The following PCDHGB5 variants were observed in gnomAD, a reference collection of about 807,000 sequenced individuals.
PCDHGB5 encodes protocadherin gamma-B5.
In PCDHGB5, 48 loss-of-function variants were observed where a neutral mutation model predicts 62.9. That is an observed-to-expected ratio of 0.76 (90% confidence interval 0.61 to 0.97). The LOEUF is 0.97. PCDHGB5 is among the 50% of genes least tolerant of loss of function. The pLI, the probability that PCDHGB5 is intolerant of heterozygous loss-of-function variation, is 0.00. For missense variants in PCDHGB5, 1,118 were observed against 1,198.6 expected (o/e 0.93, Z 0.99); for synonymous variants, 474 against 511.2 (o/e 0.93, Z 0.98).
chr5:141,421,220 A>G (rs1178268746), intron 1 of PCDHGB5: 2 of 1,575,620 alleles, frequency 1.3e-6, no homozygotes, highest in Non-Finnish European at 1.7e-6. Flanking sequence ...ATCGGCTTAG[A>G]GCCTGCCATG....
chr5:141,415,427 G>C, intron 1 of PCDHGB5: 3 of 1,614,188 alleles, frequency 1.9e-6, no homozygotes, highest in Non-Finnish European at 2.5e-6. Flanking sequence ...GACGGGGTTC[G>C]GGCTTTCCTG....
chr5:141,490,906 G>C lies in PCDHGB5; in HGVS notation c.2398-3901G>C. On this transcript the variant is annotated intron_variant, in intron 1 of 3. Transcript: ENST00000617380. The surrounding 1 kb of genome is among the most constrained non-coding windows in gnomAD (Gnocchi z 5.4). ...CACATCTCTGCATGTGTTTGTCCTA[G>C]ACGAGAATGATAATGCCCCAGCTGT... The C allele has an allele frequency of 1.9e-6, 3 of 1,613,798 alleles. No individual in the cohort carries two copies. The highest frequency in any genetic ancestry group is 2.5e-6 in the Non-Finnish European group (3 of 1,179,808).
At chr5:141,434,658 T>C (rs1243599957) in intron 1 of PCDHGB5, among the ~76,000 whole-genome samples, 2 of 152,198 alleles carry the variant, frequency 1.3e-5, no homozygotes, top group African/African-American at 2.4e-5. Flanking sequence ...ATCTAATATC[T>C]ATAGAAATGA....
chr5:141,468,230 TAGG>T (rs1451844939), intron 1 of PCDHGB5, among the ~76,000 whole-genome samples: 9 of 141,220 alleles, frequency 6.4e-5, no homozygotes, highest in South Asian at 2.2e-4. Context: ...GAGGATGAGG[TAGG>T]AGAATTGCCT....
At chr5:141,435,644 T>A (rs913195454) in intron 1 of PCDHGB5, among the ~76,000 whole-genome samples, 1 of 152,170 alleles carries the variant, frequency 6.6e-6, no homozygotes, top group Non-Finnish European at 1.5e-5. Flanking sequence ...TGGGAAAATT[T>A]CTGAAACGTG....
chr5:141,431,364 G>A lies in PCDHGB5; in HGVS notation c.2397+30840G>A. 1 of 1,614,010 alleles carries A rather than the reference G, an allele frequency of 6.2e-7. No homozygotes were observed. The highest frequency in any genetic ancestry group is 8.5e-7 in the Non-Finnish European group (1 of 1,180,022). On this transcript the variant is annotated intron_variant, in intron 1 of 3. Coordinates refer to ENST00000617380, the MANE Select transcript of PCDHGB5 (RefSeq NM_018925.3). This position sits in a 1 kb window ranked among gnomAD's most constrained non-coding sequence, Gnocchi z 4.8. ...TTGGTGCTGAAACGCGCCCTGGACCGCGAAGAAAAGGCTGCTCACCACCTG... is the reference window on the plus strand; with the variant it reads ...TTGGTGCTGAAACGCGCCCTGGACCACGAAGAAAAGGCTGCTCACCACCTG...
At position 141,499,689 on chromosome 5, in the gene PCDHGB5, C is replaced by CTT. The variant is rs545067566; in HGVS notation, c.2456+4845_2456+4846dup. 4.8e-3 allele frequency among the ~76,000 whole-genome samples: 577 copies of CTT among 119,808 alleles called. 2 individuals carry two copies. Among genetic ancestry groups the CTT allele is most frequent in the Non-Finnish European group, 6.7e-3 (386 of 57,912 alleles). 78.6% of individuals were successfully genotyped at this position (119,808 alleles called of 152,430 possible). A position where few individuals can be genotyped will look rare whatever the true frequency, so the allele number is the denominator to read the frequency against. On this transcript the variant is annotated intron_variant, in intron 2 of 3. Coordinates refer to ENST00000617380, the MANE Select transcript of PCDHGB5 (RefSeq NM_018925.3). ...GGTCTCCACCATCTTTAACAGATGA[C>CTT]TTTTTTTTTTTTTTTTTTTTTTGGA...
At chr5:141,404,029 C>A in intron 1 of PCDHGB5, 2 of 1,613,428 alleles carry the variant, frequency 1.2e-6, no homozygotes, top group South Asian at 1.1e-5. Flanking sequence ...TGAGAGAAGA[C>A]GCACCTCAGG....
At chr5:141,451,468 C>G (rs2098716484) in intron 1 of PCDHGB5, among the ~76,000 whole-genome samples, 1 of 152,202 alleles carries the variant, frequency 6.6e-6, no homozygotes, top group South Asian at 2.1e-4. Context: ...AGGTCTACCT[C>G]AGTTCCTTGC....
intron 1 of PCDHGB5, chr5:141,422,768 T>C: frequency 6.2e-7 from 1 of 1,613,824 alleles, no homozygotes. Context: ...AACACTGGTG[T>C]TCTCTATGCC....
In PCDHGB5 at chr5:141,511,216, C is replaced by A. The variant is rs374915167; in HGVS notation, c.*43C>A. On this transcript the variant is annotated 3_prime_UTR_variant, in exon 4 of 4. Coordinates refer to ENST00000617380, the MANE Select transcript of PCDHGB5 (RefSeq NM_018925.3). Reference sequence around the variant, plus strand: ...GAGCCACAGGGCGGCCTCTCCCCAACCAGCCCAGCTTCTCCTTACCTGCAC... The same window carrying A: ...GAGCCACAGGGCGGCCTCTCCCCAAACAGCCCAGCTTCTCCTTACCTGCAC... The A allele has an allele frequency of 6.2e-7, 1 of 1,608,004 alleles. No homozygotes were observed. The highest frequency in any genetic ancestry group is 1.3e-5 in the African/African-American group (1 of 74,736).
chr5:141,402,789 T>C (rs1047869740), intron 1 of PCDHGB5: 2 of 952,520 alleles, frequency 2.1e-6, no homozygotes, highest in South Asian at 4.2e-5. Context: ...GTTCTGCGGC[T>C]ACACAAAACC....
chr5:141,413,533 C>T (rs777022301), intron 1 of PCDHGB5: 1 of 1,613,934 alleles, frequency 6.2e-7, no homozygotes, highest in Admixed American at 1.7e-5. Context: ...CAGGGTGAAA[C>T]TTTTTGGGAT....
chr5:141,423,482 A>G, intron 1 of PCDHGB5: 2 of 1,613,968 alleles, frequency 1.2e-6, no homozygotes, highest in African/African-American at 1.3e-5. Flanking sequence ...GCTTTCCTGC[A>G]AACCTATTCC....
At position 141,491,687 on chromosome 5, in the gene PCDHGB5, G is replaced by T. The variant is rs946829558; in HGVS notation, c.2398-3120G>T. 6.2e-7 allele frequency: 1 copy of T among 1,613,072 alleles called. No individual in the cohort carries two copies. Among genetic ancestry groups the T allele is most frequent in the African/African-American group, 1.3e-5 (1 of 75,046 alleles). On this transcript the variant is annotated intron_variant, in intron 1 of 3. Transcript: ENST00000617380. This position sits in a 1 kb window ranked among gnomAD's most constrained non-coding sequence, Gnocchi z 6.9. ...ATCCGGTCCCGCTCTAATACGCTGC[G>T]GGAGCGGAGCCAGGTGAGGGGCTCG...
rs1001555249 is a variant in PCDHGB5, at chr5:141,486,728, G to A, written c.2398-8079G>A. The A allele has an allele frequency of 1.2e-6, 2 of 1,614,200 alleles. No homozygotes were observed. The highest frequency in any genetic ancestry group is 1.7e-6 in the Non-Finnish European group (2 of 1,180,052). On this transcript the variant is annotated intron_variant, in intron 1 of 3. Transcript: ENST00000617380. This position sits in a 1 kb window ranked among gnomAD's most constrained non-coding sequence, Gnocchi z 5.0. Reference sequence around the variant, plus strand: ...GAACCCCCAGACAGGAGCTGTTCATGCTACTCGATCCTTTGACTATGAGCA... The same window carrying A: ...GAACCCCCAGACAGGAGCTGTTCATACTACTCGATCCTTTGACTATGAGCA...
At position 141,398,713 on chromosome 5, in the gene PCDHGB5, C is replaced by G. The variant is rs772426523; in HGVS notation, c.586C>G (p.Leu196Val). The G allele has an allele frequency of 6.2e-7, 1 of 1,613,828 alleles. No homozygotes were observed. The highest frequency in any genetic ancestry group is 8.5e-7 in the Non-Finnish European group (1 of 1,179,896). ...TGGTAGTAAATACCCGGAACTGGCA[C>G]TGGAGAAAACCTTAGACCGGGAACA... is the stretch of plus-strand genomic sequence containing the variant. ...QDGSKYPELA[L>V]EKTLDREQQS... The change falls in exon 1 of 4, where the codon CTG becomes GTG. Residue 196 changes from leucine to valine, a missense_variant. Physicochemically the swap from Leu to Val is conservative, Grantham distance 32. Coordinates refer to ENST00000617380, the MANE Select transcript of PCDHGB5 (RefSeq NM_018925.3).
At chr5:141,462,302 A>C (rs2099036796) in intron 1 of PCDHGB5, among the ~76,000 whole-genome samples, 1 of 152,222 alleles carries the variant, frequency 6.6e-6, no homozygotes, top group African/African-American at 2.4e-5. Context: ...GTATTACCCA[A>C]ATATATTTGT....
At chr5:141,499,244 CAA>C (rs1191956146) in intron 2 of PCDHGB5, among the ~76,000 whole-genome samples, 1 of 152,090 alleles carries the variant, frequency 6.6e-6, no homozygotes, top group Non-Finnish European at 1.5e-5. Flanking sequence ...AGCCTCTGCA[CAA>C]AGAGTCTCCA....
Sources: allele counts gnomAD v4.1 joint callset (sites outside exome capture counted in the v4.1 genomes callset), GRCh38; gene constraint gnomAD v4.1.1; non-coding constraint Gnocchi (gnomAD v3.1); transcripts MANE v1.5; gene names NCBI Gene and HGNC (gene_info 2026-07-23, HGNC 2026-07-21).